Variants in AHRR observed in about 807,000 individuals in gnomAD.
AHRR encodes the protein ahR repressor.
Under a neutral mutation model 44.0 loss-of-function variants are expected in AHRR, and 28 were observed. That is an observed-to-expected ratio of 0.64 (90% CI 0.47 to 0.87). The LOEUF (loss-of-function observed/expected upper bound fraction) is 0.87. Ranked by LOEUF, AHRR falls within the 40% of genes least tolerant of loss-of-function variation. AHRR has a pLI of 0.00. For missense variants in AHRR, 990 were observed against 953.9 expected, an observed-to-expected ratio of 1.04 and a Z score of -0.50; for synonymous variants, 434 against 407.0, an observed-to-expected ratio of 1.07 and a Z score of -0.80.
chr5:354,627 G>A (rs1249239747), intron 3 of AHRR, among the ~76,000 whole-genome samples: 1 of 152,126 alleles, frequency 6.6e-6, no homozygotes, highest in Non-Finnish European at 1.5e-5. Context: ...GCTGTTGCGG[G>A]AGGGTGGGAG....
intron 1 of AHRR, among the ~76,000 whole-genome samples, chr5:334,598 T>G (rs1742055292): frequency 6.6e-6 from 1 of 152,058 alleles, no homozygotes; most frequent in Non-Finnish European, 1.5e-5. Context: ...TGAATTAATC[T>G]TCTGAGTTCT....
chr5:406,242 C>T lies in AHRR; in HGVS notation c.352-7102C>T, dbSNP rs764004903. Among the ~76,000 whole-genome samples, 1 of 152,252 alleles carries T rather than the reference C, an allele frequency of 6.6e-6. No individual in the cohort carries two copies. Among genetic ancestry groups the T allele is most frequent in the Non-Finnish European group, 1.5e-5 (1 of 68,044 alleles). ...TGCCCCCAGCCCCCCTTCCTTCCAGCCAGTGGCTCTGTGAGCCGCCTCTTG... is the reference window on the plus strand; with the variant it reads ...TGCCCCCAGCCCCCCTTCCTTCCAGTCAGTGGCTCTGTGAGCCGCCTCTTG... On this transcript the variant is annotated intron_variant, in intron 4 of 10. Coordinates refer to ENST00000684583, the MANE Select transcript of AHRR (RefSeq NM_001377236.1). The surrounding 1 kb of genome is among the most constrained non-coding windows in gnomAD (Gnocchi z 4.7).
At chr5:329,977 C>G (rs1741855358) in intron 1 of AHRR, among the ~76,000 whole-genome samples, 1 of 152,168 alleles carries the variant, frequency 6.6e-6, no homozygotes, top group Non-Finnish European at 1.5e-5. Flanking sequence ...TGCCTGATCG[C>G]TCTGGATAGG....
At chr5:330,856 G>A (rs1328395840) in intron 1 of AHRR, among the ~76,000 whole-genome samples, 2 of 145,234 alleles carry the variant, frequency 1.4e-5, no homozygotes, top group African/African-American at 2.5e-5. Flanking sequence ...TTGCATGTTT[G>A]GTATAATTCA....
In AHRR at chr5:387,525, C is replaced by T. The variant is rs532608529; in HGVS notation, c.351+10809C>T. 1.3e-5 allele frequency among the ~76,000 whole-genome samples: 2 copies of T among 152,344 alleles called. No individual in the cohort carries two copies. The highest frequency in any genetic ancestry group is 4.1e-4 in the South Asian group (2 of 4,828). ...ACACAAACCTTTGCCACAGCAGCCA[C>T]GCAACAGGCACACAACAGCCATGCA... On this transcript the variant is annotated intron_variant, in intron 4 of 10. Coordinates refer to ENST00000684583, the MANE Select transcript of AHRR (RefSeq NM_001377236.1). The surrounding 1 kb of genome is among the most constrained non-coding windows in gnomAD (Gnocchi z 5.1).
At chr5:403,192 C>T (rs1017340385) in intron 4 of AHRR, among the ~76,000 whole-genome samples, 12 of 152,056 alleles carry the variant, frequency 7.9e-5, no homozygotes, top group South Asian at 4.2e-4. Context: ...GCGGGTGGGA[C>T]GTACCGGGCT....
chr5:381,288 G>T (rs1366439802), intron 4 of AHRR, among the ~76,000 whole-genome samples: 1 of 152,142 alleles, frequency 6.6e-6, no homozygotes, highest in Non-Finnish European at 1.5e-5. Flanking sequence ...ATCGACACTT[G>T]AAATGAACCA....
chr5:431,062 C>G (rs1026068680), intron 8 of AHRR, among the ~76,000 whole-genome samples: 9 of 152,208 alleles, frequency 5.9e-5, no homozygotes, highest in African/African-American at 2.2e-4. Context: ...CGTGGAGTTT[C>G]CACTGCACAT....
chr5:420,172 C>T (rs1452927449), intron 5 of AHRR, among the ~76,000 whole-genome samples: 2 of 152,190 alleles, frequency 1.3e-5, no homozygotes, highest in Non-Finnish European at 2.9e-5. Flanking sequence ...GCGAAATGTT[C>T]CAGTATCCAG....
rs552320119 is a variant in AHRR, at chr5:404,189, C to T, written c.352-9155C>T. 1.5e-5 allele frequency: 8 copies of T among 534,354 alleles called. No individual in the cohort carries two copies. Among genetic ancestry groups the T allele is most frequent in the Admixed American group, 1.3e-4 (6 of 44,652 alleles). 33.1% of individuals were successfully genotyped at this position (534,354 alleles called of 1,614,324 possible). A position where few individuals can be genotyped will look rare whatever the true frequency, so the allele number is the denominator to read the frequency against. ...TGCATTCCTGTCACGAGCTGGTCTT[C>T]TGCAGCCTTTGAACCCGTCGCAGCT... On this transcript the variant is annotated intron_variant, in intron 4 of 10. Coordinates refer to ENST00000684583, the MANE Select transcript of AHRR (RefSeq NM_001377236.1). The surrounding 1 kb of genome is among the most constrained non-coding windows in gnomAD (Gnocchi z 4.1).
chr5:390,710 G>C (rs1323318184), intron 4 of AHRR, among the ~76,000 whole-genome samples: 2 of 152,106 alleles, frequency 1.3e-5, no homozygotes, highest in Admixed American at 1.3e-4. Flanking sequence ...TTCCGGGTTG[G>C]AAGTTCCTGC....
chr5:354,708 A>G (rs1009554259), intron 3 of AHRR, among the ~76,000 whole-genome samples: 2 of 152,034 alleles, frequency 1.3e-5, no homozygotes, highest in African/African-American at 4.8e-5. Flanking sequence ...TTTTAGAATT[A>G]AAAACCCCGT....
In AHRR at chr5:406,309, G is replaced by GGGACC. The variant is rs1560911671; in HGVS notation, c.352-7034_352-7030dup. 6.6e-6 allele frequency among the ~76,000 whole-genome samples: 1 copy of GGGACC among 152,220 alleles called. No homozygotes were observed. Among genetic ancestry groups the GGGACC allele is most frequent in the Non-Finnish European group, 1.5e-5 (1 of 68,042 alleles). ...GAACATGGAGGGACCGGAACATGGA[G>GGGACC]GGACCAGTCCAGAATGGCCCCACGT... On this transcript the variant is annotated intron_variant, in intron 4 of 10. Coordinates refer to ENST00000684583, the MANE Select transcript of AHRR (RefSeq NM_001377236.1). This position sits in a 1 kb window ranked among gnomAD's most constrained non-coding sequence, Gnocchi z 4.7.
chr5:374,064 T>TCC (rs1743687592), intron 3 of AHRR, among the ~76,000 whole-genome samples: 1 of 151,674 alleles, frequency 6.6e-6, no homozygotes, highest in Admixed American at 6.6e-5. Context: ...TGGGACGGGG[T>TCC]CGGCTCCGCT....
chr5:331,155 G>A (rs1333537475), intron 1 of AHRR, among the ~76,000 whole-genome samples: 2 of 152,170 alleles, frequency 1.3e-5, no homozygotes, highest in African/African-American at 4.8e-5. Flanking sequence ...GATTACAGGC[G>A]TGAGCCACTG....
At chr5:392,517 G>A (rs1231078354) in intron 4 of AHRR, among the ~76,000 whole-genome samples, 2 of 152,164 alleles carry the variant, frequency 1.3e-5, no homozygotes, top group Admixed American at 6.5e-5. Flanking sequence ...AGGTGCAGAC[G>A]CGGCGTCCAC....
chr5:416,532 C>T (rs1454822380), intron 5 of AHRR, among the ~76,000 whole-genome samples: 2 of 152,206 alleles, frequency 1.3e-5, no homozygotes, highest in African/African-American at 4.8e-5. Context: ...CCTGATGCGC[C>T]CTGTGAGAGG....
rs57371992 is a variant in AHRR, at chr5:415,474, C to G, written c.441+2041C>G. On this transcript the variant is annotated intron_variant, in intron 5 of 10. Transcript: ENST00000684583. ...GGCCTAGGGGCCGAGTCTGCCTGGT[C>G]GGGTGGGAGGCCTAGGGGCCGAGTC... 4.8e-3 allele frequency among the ~76,000 whole-genome samples: 208 copies of G among 42,990 alleles called. 13 individuals carry two copies. Among genetic ancestry groups the G allele is most frequent in the African/African-American group, 0.027 (169 of 6,242 alleles). 28.2% of individuals were successfully genotyped at this position (42,990 alleles called of 152,430 possible).
chr5:391,490 G>C (rs1414094615), intron 4 of AHRR, among the ~76,000 whole-genome samples: 2 of 88,258 alleles, frequency 2.3e-5, no homozygotes, highest in African/African-American at 1.9e-4. Flanking sequence ...GGCGAGGCGG[G>C]CGCAGGGTGA....
Sources: gnomAD v4.1 joint callset for allele counts (sites outside exome capture counted in the v4.1 genomes callset) on GRCh38, gnomAD v4.1.1 for gene constraint, Gnocchi (gnomAD v3.1) non-coding constraint, MANE v1.5 for transcripts, NCBI Gene and HGNC (gene_info 2026-07-23, HGNC 2026-07-21) for gene names.